The following TRABD2A variants were observed in gnomAD, a reference collection of about 807,000 sequenced individuals.
TRABD2A encodes the protein TraB domain containing 2A.
Under a neutral mutation model 45.6 loss-of-function variants are expected in TRABD2A, and 43 were observed. That is an observed-to-expected ratio of 0.94 (90% CI 0.74 to 1.22). The LOEUF is 1.22. Ranked by LOEUF, TRABD2A falls within the 50% of genes most tolerant of loss-of-function variation. The pLI, the probability that TRABD2A is intolerant of heterozygous loss-of-function variation, is 0.00. For missense variants in TRABD2A, 642 were observed against 652.4 expected (o/e 0.98, Z 0.17); for synonymous variants, 269 against 265.0 (o/e 1.02, Z -0.15).
At chr2:84,860,238 C>A (rs1351682427) in intron 2 of TRABD2A, among the ~76,000 whole-genome samples, 3 of 152,120 alleles carry the variant, frequency 2.0e-5, no homozygotes, top group African/African-American at 7.2e-5. Context: ...GAACTGTGTA[C>A]CCCTTAAGTT....
At chr2:84,858,020 C>T (rs911848010) in intron 2 of TRABD2A, among the ~76,000 whole-genome samples, 51 of 152,086 alleles carry the variant, frequency 3.4e-4, no homozygotes, top group African/African-American at 1.1e-3. Context: ...GGACTACAGG[C>T]GCTCACCACC....
chr2:84,862,726 A>G (rs1307902374), intron 2 of TRABD2A, among the ~76,000 whole-genome samples: 1 of 152,120 alleles, frequency 6.6e-6, no homozygotes, highest in Non-Finnish European at 1.5e-5. Context: ...AGAGTGCATC[A>G]CCTATGCTGA....
At chr2:84,874,736 G>A (rs1395298985) in intron 1 of TRABD2A, 2 of 240,108 alleles carry the variant, frequency 8.3e-6, no homozygotes, top group South Asian at 6.6e-5. Flanking sequence ...AAAAAGGTTG[G>A]TGATGACATT....
In TRABD2A at chr2:84,841,867, G is replaced by A; in HGVS notation, c.810C>T (p.Ser270=). 1 of 1,531,330 alleles carries A rather than the reference G, an allele frequency of 6.5e-7. No individual in the cohort carries two copies. Among genetic ancestry groups the A allele is most frequent in the Non-Finnish European group, 8.8e-7 (1 of 1,140,074 alleles). 94.9% of individuals were successfully genotyped at this position (1,531,330 alleles called of 1,614,324 possible). Residue 270 remains serine (S), a synonymous_variant, in exon 3 of 7, where the codon AGC becomes AGT. Transcript: ENST00000409520. ...DLSSVILSHD[S]SQVPNFINAT... is the part of the protein sequence containing the mutation. ...AGGGGGAAAGGGTGCTCACCTGGGAGCTGTCATGGCTGAGGATGACGGAGC... is the reference window on the plus strand; with the variant it reads ...AGGGGGAAAGGGTGCTCACCTGGGAACTGTCATGGCTGAGGATGACGGAGC...
chr2:84,843,955 C>T (rs1413660656), intron 2 of TRABD2A: 2 of 152,260 alleles, frequency 1.3e-5, no homozygotes, highest in African/African-American at 4.8e-5. Context: ...ACAGATCTCT[C>T]TGTAAAACCC....
chr2:84,868,297 G>A (rs994952227), intron 2 of TRABD2A, among the ~76,000 whole-genome samples: 1 of 152,100 alleles, frequency 6.6e-6, no homozygotes, highest in Non-Finnish European at 1.5e-5. Context: ...GGACATGGAT[G>A]AAGCTGGAAA....
intron 2 of TRABD2A, among the ~76,000 whole-genome samples, chr2:84,854,652 C>T (rs1682212337): frequency 6.6e-6 from 1 of 152,170 alleles, no homozygotes; most frequent in South Asian, 2.1e-4. Context: ...GCCTCCCAGG[C>T]CTCTAAAGCC....
intron 2 of TRABD2A, among the ~76,000 whole-genome samples, chr2:84,856,705 C>T (rs550589078): frequency 5.9e-5 from 9 of 152,146 alleles, no homozygotes; most frequent in Non-Finnish European, 1.0e-4. Flanking sequence ...GCCTCCTGGA[C>T]ACCCCCGAAG....
intron 2 of TRABD2A, among the ~76,000 whole-genome samples, chr2:84,844,219 G>A (rs1681807670): frequency 6.6e-6 from 1 of 152,128 alleles, no homozygotes; most frequent in Admixed American, 6.5e-5. Flanking sequence ...GTAGCTCCTA[G>A]AATTCCCACG....
At chr2:84,848,375 T>TAGATAGATAGATAGATAGAC (rs1315427907) in intron 2 of TRABD2A, among the ~76,000 whole-genome samples, 18 of 80,552 alleles carry the variant, frequency 2.2e-4, no homozygotes, top group Non-Finnish European at 4.1e-4. Flanking sequence ...GATAGATAGA[T>TAGATAGATAGATAGATAGAC]AGACAGACAG....
intron 2 of TRABD2A, among the ~76,000 whole-genome samples, chr2:84,859,799 T>C (rs1200430126): frequency 3.9e-5 from 6 of 152,218 alleles, no homozygotes; most frequent in African/African-American, 1.4e-4. Flanking sequence ...GCATTACTAA[T>C]AAGTTGCAGA....
At chr2:84,870,821 G>A in intron 1 of TRABD2A, 36 bp from the exon 2 acceptor site, 2 of 1,508,150 alleles carry the variant, frequency 1.3e-6, no homozygotes, top group Non-Finnish European at 1.8e-6. Context: ...GGTATAATAT[G>A]GGGGAGAGGC....
In TRABD2A at chr2:84,870,274, T is replaced by C. The variant is rs1682827537; in HGVS notation, c.620A>G (p.Glu207Gly). 1 of 1,613,796 alleles carries C rather than the reference T, an allele frequency of 6.2e-7. No individual in the cohort carries two copies. Among genetic ancestry groups the C allele is most frequent in the South Asian group, 1.1e-5 (1 of 91,076 alleles). The change falls in exon 2 of 7, where the codon GAA becomes GGA. Residue 207 changes from glutamate to glycine, a missense_variant. By Grantham distance (98) the Glu-to-Gly change is moderately conservative (BLOSUM62 -2). Coordinates refer to ENST00000409520, the MANE Select transcript of TRABD2A (RefSeq NM_001277053.2). ...ERLRKQTGAV[E>G]KVEEQCHPLN... ...TGGATGGCACTGCTCTTCCACCTTT[T>C]CCACTGCCCCAGTCTGTTTCCTCAG...
intron 6 of TRABD2A, among the ~76,000 whole-genome samples, chr2:84,823,527 A>C (rs1198783762): frequency 6.6e-6 from 1 of 152,174 alleles, no homozygotes; most frequent in African/African-American, 2.4e-5. Flanking sequence ...CTCTGAGACT[A>C]CATTTGGTGT....
intron 5 of TRABD2A, among the ~76,000 whole-genome samples, chr2:84,831,142 C>T (rs1395165538): frequency 2.0e-5 from 3 of 151,974 alleles, no homozygotes; most frequent in Admixed American, 6.6e-5. Context: ...GGGCCCTAGT[C>T]CAATAGGACT....
rs148064539 is a variant in TRABD2A, at chr2:84,855,863, G to T, written c.670-13856C>A. On this transcript the variant is annotated intron_variant, in intron 2 of 6. Transcript: ENST00000409520. ...GGGTGGGTGAGGGGGTTCGAGTCCG[G>T]CAGATGTCTTTTTTGTCAAAAACAA... Among the ~76,000 whole-genome samples, 193 of 152,214 alleles carry T rather than the reference G, an allele frequency of 1.3e-3. 1 individual carries two copies. Among genetic ancestry groups the T allele is most frequent in the African/African-American group, 4.1e-3 (172 of 41,526 alleles).
chr2:84,856,194 A>AT (rs570705697), intron 2 of TRABD2A, among the ~76,000 whole-genome samples: 283 of 151,992 alleles, frequency 1.9e-3, no homozygotes, highest in African/African-American at 6.7e-3. Context: ...CACCCAGATA[A>AT]TTTTTTAAGA....
At position 84,832,094 on chromosome 2, in the gene TRABD2A, T is replaced by C. The variant is rs999003021; in HGVS notation, c.1043A>G (p.Tyr348Cys). The stretch of plus-strand genomic sequence containing the variant: ...TCCAGCAGGGGCGTGTTCTACCTCA[T>C]AGCCTTCACGCCGCAAAACATCCAG... Reference protein sequence around the residue: ...TVLDVLRREGYEVEHAPAGRP... With the variant: ...TVLDVLRREGCEVEHAPAGRP... The change falls in exon 5 of 7, where the codon TAT becomes TGT. Residue 348 changes from tyrosine to cysteine, a missense_variant. Transcript: ENST00000409520. 1 of 1,614,024 alleles carries C rather than the reference T, an allele frequency of 6.2e-7. No homozygotes were observed. The highest frequency in any genetic ancestry group is 2.2e-5 in the East Asian group (1 of 44,882).
chr2:84,839,046 C>T (rs1033273648), intron 4 of TRABD2A, 103 bp downstream of exon 4: 24 of 1,359,874 alleles, frequency 1.8e-5, no homozygotes, highest in Non-Finnish European at 2.3e-5. Context: ...CTTCATCTCG[C>T]TTCATGACTA....
Sources: gnomAD v4.1 joint callset for allele counts (sites outside exome capture counted in the v4.1 genomes callset) on GRCh38, gnomAD v4.1.1 for gene constraint, MANE v1.5 for transcripts, NCBI Gene and HGNC (gene_info 2026-07-23, HGNC 2026-07-21) for gene names.